The following RASGRP3 variants were observed in gnomAD, a reference collection of about 807,000 sequenced individuals.
RASGRP3 encodes the protein RAS guanyl releasing protein 3.
In RASGRP3, 54 loss-of-function variants were observed where a neutral mutation model predicts 82.7. The observed-to-expected ratio is 0.65, with a 90% CI of 0.52 to 0.82. The LOEUF is 0.82. Among genes scored for constraint, RASGRP3 ranks in the 40% least tolerant of loss-of-function variants. The probability of loss-of-function intolerance (pLI) is 0.00; values close to 1 mark genes in which losing one functional copy is unlikely to be tolerated. For missense variants in RASGRP3, 861 were observed against 828.9 expected (o/e 1.04, Z -0.48); for synonymous variants, 309 against 300.5 (o/e 1.03, Z -0.29).
At chr2:33,463,590 CTCTT>C (rs1272209799) in intron 2 of RASGRP3, among the ~76,000 whole-genome samples, 4 of 128,598 alleles carry the variant, frequency 3.1e-5, no homozygotes, top group Non-Finnish European at 3.2e-5. Flanking sequence ...TGCTCCTTCA[CTCTT>C]TTTTTTTTTT....
At chr2:33,506,584 A>G (rs1670400225) in intron 1 of RASGRP3, among the ~76,000 whole-genome samples, 1 of 152,226 alleles carries the variant, frequency 6.6e-6, no homozygotes, top group Non-Finnish European at 1.5e-5. Flanking sequence ...GACAATGTTG[A>G]TTATTAATTC....
At chr2:33,555,806 G>A (rs909665146) in intron 15 of RASGRP3, among the ~76,000 whole-genome samples, 2 of 152,116 alleles carry the variant, frequency 1.3e-5, no homozygotes, top group African/African-American at 2.4e-5. Context: ...TAGTTCTTTG[G>A]AATCAGCAGC....
intron 1 of RASGRP3, among the ~76,000 whole-genome samples, chr2:33,507,087 C>A (rs1207083242): frequency 6.6e-6 from 1 of 152,064 alleles, no homozygotes; most frequent in Non-Finnish European, 1.5e-5. Context: ...CAGAAATAAA[C>A]AAATAATTTC....
intron 10 of RASGRP3, among the ~76,000 whole-genome samples, chr2:33,528,475 T>G (rs1021517447): frequency 1.3e-5 from 2 of 152,222 alleles, no homozygotes; most frequent in African/African-American, 4.8e-5. Flanking sequence ...TCACCCTTCC[T>G]TAAACAAAAG....
intron 1 of RASGRP3, among the ~76,000 whole-genome samples, chr2:33,507,071 C>A (rs1279560760): frequency 6.6e-6 from 1 of 152,030 alleles, no homozygotes. Context: ...AGAAACAAGA[C>A]CAATGCAGAA....
intron 1 of RASGRP3, among the ~76,000 whole-genome samples, chr2:33,437,489 G>A (rs1222990360): frequency 6.6e-6 from 1 of 152,244 alleles, no homozygotes; most frequent in Non-Finnish European, 1.5e-5. Flanking sequence ...ATGACTAACA[G>A]AGGAATACGG....
chr2:33,518,709 A>ATT (rs537382375), intron 4 of RASGRP3, among the ~76,000 whole-genome samples: 12 of 150,092 alleles, frequency 8.0e-5, no homozygotes, highest in African/African-American at 2.9e-4. Context: ...CTCTATTTAA[A>ATT]TTTTTTTTTT....
intron 17 of RASGRP3, among the ~76,000 whole-genome samples, chr2:33,561,666 C>T (rs1157766256): frequency 1.3e-5 from 2 of 151,602 alleles, no homozygotes; most frequent in Non-Finnish European, 2.9e-5. Flanking sequence ...GGAGCACTGA[C>T]CTACACATTT....
At chr2:33,464,122 T>A (rs1356985925) in intron 2 of RASGRP3, among the ~76,000 whole-genome samples, 296 of 131,106 alleles carry the variant, frequency 2.3e-3, no homozygotes, top group East Asian at 0.015. Flanking sequence ...TTATTATTAT[T>A]ATTATTATTA....
At chr2:33,441,667 A>C (rs1190082322) in intron 1 of RASGRP3, among the ~76,000 whole-genome samples, 1 of 152,228 alleles carries the variant, frequency 6.6e-6, no homozygotes, top group African/African-American at 2.4e-5. Context: ...TCACCTGTTT[A>C]CCATTTTAGG....
upstream of RASGRP3, among the ~76,000 whole-genome samples, chr2:33,472,716 G>A (rs187293137): frequency 1.7e-4 from 26 of 152,062 alleles, no homozygotes; most frequent in South Asian, 2.5e-3. Context: ...CAGCACTTTG[G>A]GAGGCTGAGG....
At chr2:33,502,032 G>T (rs1317634271) in intron 1 of RASGRP3, among the ~76,000 whole-genome samples, 2 of 152,226 alleles carry the variant, frequency 1.3e-5, no homozygotes, top group African/African-American at 2.4e-5. Context: ...GATTTGGGTG[G>T]TCTGAAGAGA....
At chr2:33,510,305 T>TA (rs1670808152) in intron 1 of RASGRP3, among the ~76,000 whole-genome samples, 1 of 152,238 alleles carries the variant, frequency 6.6e-6, no homozygotes, top group Non-Finnish European at 1.5e-5. Context: ...GTTGAATACT[T>TA]ACTAGTTACA....
At chr2:33,524,890 T>C (rs1286865134) in intron 9 of RASGRP3, among the ~76,000 whole-genome samples, 1 of 151,700 alleles carries the variant, frequency 6.6e-6, no homozygotes, top group Non-Finnish European at 1.5e-5. Flanking sequence ...CCATCCTGGC[T>C]AACGTGGTGA....
intron 11 of RASGRP3, among the ~76,000 whole-genome samples, chr2:33,537,485 A>C (rs1201984898): frequency 6.6e-6 from 1 of 151,864 alleles, no homozygotes; most frequent in Non-Finnish European, 1.5e-5. Context: ...CAGCCTCCCA[A>C]GTAGCTTGGA....
At chr2:33,535,400 C>T (rs1371116666) in intron 11 of RASGRP3, among the ~76,000 whole-genome samples, 3 of 152,240 alleles carry the variant, frequency 2.0e-5, no homozygotes, top group Non-Finnish European at 2.9e-5. Flanking sequence ...ATGCTTGCTT[C>T]TTATAATCAC....
chr2:33,550,302 G>T (rs1193322797), intron 14 of RASGRP3, among the ~76,000 whole-genome samples: 1 of 152,168 alleles, frequency 6.6e-6, no homozygotes, highest in African/African-American at 2.4e-5. Flanking sequence ...CCCTTGAAGT[G>T]GGTATTTTAC....
intron 1 of RASGRP3, among the ~76,000 whole-genome samples, chr2:33,493,926 T>G (rs961872105): frequency 2.6e-5 from 4 of 152,190 alleles, no homozygotes; most frequent in African/African-American, 9.6e-5. Flanking sequence ...GGTGGCTTCG[T>G]GTCAGAAGAC....
At position 33,520,621 on chromosome 2, in the gene RASGRP3, T is replaced by A; in HGVS notation, c.305T>A (p.Phe102Tyr). ...DLGLIRMTEE[F>Y]REVASQLGYE... ...GGTTTGATTCGTATGACTGAGGAAT[T>A]TCGGGAAGTAGCTAGTCAACTAGGA... Residue 102 changes from phenylalanine to tyrosine, a missense_variant, in exon 6 of 18, where the codon TTT becomes TAT. Coordinates refer to ENST00000403687, the MANE Select transcript of RASGRP3 (RefSeq NM_001139488.2). 1 of 1,613,992 alleles carries A rather than the reference T, an allele frequency of 6.2e-7. No individual in the cohort carries two copies. The highest frequency in any genetic ancestry group is 2.2e-5 in the East Asian group (1 of 44,892).
Sources: gnomAD v4.1 joint callset for allele counts (sites outside exome capture counted in the v4.1 genomes callset) on GRCh38, gnomAD v4.1.1 for gene constraint, MANE v1.5 for transcripts, NCBI Gene and HGNC (gene_info 2026-07-23, HGNC 2026-07-21) for gene names.